Variants in MPRIP observed in about 807,000 individuals in gnomAD.
MPRIP encodes myosin phosphatase Rho-interacting protein.
MPRIP carries 59 observed loss-of-function variants against 234.9 expected under a neutral mutation model. The ratio of observed to expected loss-of-function variants is 0.25; its 90% CI spans 0.20 to 0.31. The LOEUF (loss-of-function observed/expected upper bound fraction) is 0.31, where lower values mean the gene tolerates loss of function less well. MPRIP is among the 10% of genes least tolerant of loss of function. The pLI, the probability that MPRIP is intolerant of heterozygous loss-of-function variation, is 1.00. For synonymous variants in MPRIP, 1,144 were observed against 1,263.9 expected (o/e 0.91, Z 2.01); for missense variants, 2,436 against 3,071.0 (o/e 0.79, Z 4.89).
rs1206235858 is a variant in MPRIP, at chr17:17,110,312, CT to C, written c.268-16385del. Among the ~76,000 whole-genome samples, 6 of 152,188 alleles carry C rather than the reference CT, an allele frequency of 3.9e-5. No homozygotes were observed. In the East Asian group the frequency reaches 7.7e-4, roughly 20 times the overall value. On this transcript the variant is annotated intron_variant, in intron 3 of 23. Coordinates refer to ENST00000651222, the MANE Select transcript of MPRIP (RefSeq NM_001364716.4). Reference sequence around the variant, plus strand: ...CCAGAATTGTGAGCCAAATAACCCTCTTTTTCTTTATAGATGACCCAGCTTC... The same window carrying C: ...CCAGAATTGTGAGCCAAATAACCCTCTTTTCTTTATAGATGACCCAGCTTC...
chr17:17,117,553 T>A (rs956437884), intron 3 of MPRIP, among the ~76,000 whole-genome samples: 5 of 152,394 alleles, frequency 3.3e-5, no homozygotes, highest in Admixed American at 3.3e-4. Flanking sequence ...ATTCTTTTTA[T>A]GGCTGAATAA....
chr17:17,146,184 C>CT, intron 10 of MPRIP, 92 bp downstream of exon 10: 1 of 1,159,344 alleles, frequency 8.6e-7, no homozygotes, highest in South Asian at 1.3e-5. Flanking sequence ...CAAGTGCTGG[C>CT]TCCATGCCTT....
intron 8 of MPRIP, 48 bp downstream of exon 8, chr17:17,142,813 G>C (rs2045358930): frequency 4.4e-6 from 7 of 1,595,086 alleles, no homozygotes; most frequent in Non-Finnish European, 6.0e-6. Context: ...TCGGGGGCGG[G>C]TCAGCATGCA....
chr17:17,144,683 C>G (rs977458428), intron 9 of MPRIP, among the ~76,000 whole-genome samples: 4 of 152,204 alleles, frequency 2.6e-5, no homozygotes, highest in Non-Finnish European at 4.4e-5. Flanking sequence ...TGGTGAAACA[C>G]TGACTCTACT....
rs183380586 is a variant in MPRIP at position 17,101,606 on chromosome 17, A to T, written c.267+23530A>T. 5.3e-3 allele frequency among the ~76,000 whole-genome samples: 799 copies of T among 151,854 alleles called. 3 individuals are homozygous for T. Among genetic ancestry groups the T allele is most frequent in the Middle Eastern group, 0.017 (5 of 294 alleles). Reference sequence around the variant, plus strand: ...TTTTTTAAACAACAACAACAAAAAAAATATATATATAGTTACTTCAAAGAA... The same window carrying T: ...TTTTTTAAACAACAACAACAAAAAATATATATATATAGTTACTTCAAAGAA... On this transcript the variant is annotated intron_variant, in intron 3 of 23. Transcript: ENST00000651222.
At chr17:17,061,059 G>A (rs1397672940) in intron 1 of MPRIP, among the ~76,000 whole-genome samples, 1 of 152,194 alleles carries the variant, frequency 6.6e-6, no homozygotes, top group African/African-American at 2.4e-5. Flanking sequence ...AGAGGTGTGT[G>A]CTGAGAACCC....
chr17:17,122,704 C>T (rs756939456), intron 3 of MPRIP, among the ~76,000 whole-genome samples: 9 of 152,190 alleles, frequency 5.9e-5, no homozygotes, highest in Admixed American at 2.0e-4. Flanking sequence ...ACCTGTCTTC[C>T]AAGAGTGCTG....
chr17:17,045,836 C>T (rs1463445691), intron 1 of MPRIP, among the ~76,000 whole-genome samples: 3 of 147,258 alleles, frequency 2.0e-5, no homozygotes, highest in Admixed American at 6.8e-5. Context: ...GGCGGAGTCT[C>T]GCTCTGTTGC....
chr17:17,147,199 C>T (rs1047088472), intron 10 of MPRIP, 120 bp from the exon 11 acceptor site: 1 of 915,062 alleles, frequency 1.1e-6, no homozygotes, highest in East Asian at 2.5e-5. Flanking sequence ...GCCAGCCTGT[C>T]CCCTGCTTTC....
At position 17,138,031 on chromosome 17, in the gene MPRIP, G is replaced by T. The variant is rs763637087; in HGVS notation, c.852G>T (p.Leu284=). ...ACTTGAAGGCTGAAGAACAGCAGCTGCCCCCGCCGCTCTCCCCTCCCAGCC... is the reference window on the plus strand; with the variant it reads ...ACTTGAAGGCTGAAGAACAGCAGCTTCCCCCGCCGCTCTCCCCTCCCAGCC... ...KQDLKAEEQQ[L]PPPLSPPSPS... is the part of the protein sequence containing the mutation. Residue 284 remains leucine, a synonymous_variant, in exon 7 of 24, where the codon CTG becomes CTT. Coordinates refer to ENST00000651222, the MANE Select transcript of MPRIP (RefSeq NM_001364716.4). The surrounding 1 kb of genome is among the most constrained non-coding windows in gnomAD (Gnocchi z 5.8). 3.8e-6 allele frequency: 6 copies of T among 1,595,630 alleles called. No homozygotes were observed. In the South Asian group the frequency reaches 5.7e-5, roughly 15 times the overall value.
intron 1 of MPRIP, among the ~76,000 whole-genome samples, chr17:17,055,882 C>A (rs577481300): frequency 6.6e-6 from 1 of 152,302 alleles, no homozygotes; most frequent in Admixed American, 6.5e-5. Flanking sequence ...TGCCATGTGC[C>A]AGGCCACTAT....
At chr17:17,151,799 G>A (rs941668157) in intron 12 of MPRIP, among the ~76,000 whole-genome samples, 2 of 152,214 alleles carry the variant, frequency 1.3e-5, no homozygotes, top group Non-Finnish European at 2.9e-5. Flanking sequence ...AAGTTAGTTC[G>A]TCACTCGCAA....
At chr17:17,156,749 T>C (rs1167675223) in intron 13 of MPRIP, among the ~76,000 whole-genome samples, 1 of 152,240 alleles carries the variant, frequency 6.6e-6, no homozygotes, top group Non-Finnish European at 1.5e-5. Context: ...ACACTCTCCA[T>C]GGCCAGGAGC....
At chr17:17,081,380 C>T (rs1291190301) in intron 3 of MPRIP, among the ~76,000 whole-genome samples, 1 of 152,114 alleles carries the variant, frequency 6.6e-6, no homozygotes, top group Admixed American at 6.5e-5. Flanking sequence ...TGCCTTGCTG[C>T]GTAATTTCTG....
chr17:17,147,376 G>C lies in MPRIP; in HGVS notation c.1618G>C (p.Val540Leu). Residue 540 changes from valine (V) to leucine (L), a missense_variant, in exon 11 of 24, where the codon GTG becomes CTG. Transcript: ENST00000651222. ...AAGCCTGAGATACTACAGGGATTCAGTGGCTGAGGAGGTGAGTGTCTGGGC... is the reference window on the plus strand; with the variant it reads ...AAGCCTGAGATACTACAGGGATTCACTGGCTGAGGAGGTGAGTGTCTGGGC... Reference protein sequence around the residue: ...DQSLRYYRDSVAEEAADLDGE... With the variant: ...DQSLRYYRDSLAEEAADLDGE... The C allele has an allele frequency of 2.5e-6, 4 of 1,614,202 alleles. No individual in the cohort carries two copies. The highest frequency in any genetic ancestry group is 3.4e-6 in the Non-Finnish European group (4 of 1,180,028).
chr17:17,137,727 G>A (rs572843252), intron 6 of MPRIP, among the ~76,000 whole-genome samples, 189 bp from the exon 7 acceptor site: 3 of 152,232 alleles, frequency 2.0e-5, no homozygotes, highest in Admixed American at 1.3e-4. Flanking sequence ...AAGCATGCAC[G>A]AAATATTTCA....
intron 3 of MPRIP, among the ~76,000 whole-genome samples, chr17:17,088,638 A>G (rs75229214): frequency 0.045 from 6,803 of 151,796 alleles, 473 homozygotes; most frequent in African/African-American, 0.14. Flanking sequence ...CATCCCTTCC[A>G]CTCTCACCTT....
In MPRIP at chr17:17,167,244, C is replaced by G; in HGVS notation, c.5653C>G (p.Arg1885Gly). The part of the protein sequence containing the change: ...PSCSEQAQAA[R>G]ALREEYEELL... ...CTGCTCAGAGCAGGCACAGGCAGCC[C>G]GGGCCCTGAGGGAGGAGTATGAGGA... is the stretch of plus-strand genomic sequence containing the variant. The change falls in exon 16 of 24, where the codon CGG becomes GGG. Residue 1885 changes from arginine (R) to glycine (G), a missense_variant. Around this residue, in one of 4 missense-constraint regions of MPRIP, gnomAD observed 1,998 missense variants for 2,520.3 expected, o/e 0.79. Coordinates refer to ENST00000651222, the MANE Select transcript of MPRIP (RefSeq NM_001364716.4). The surrounding 1 kb of genome is among the most constrained non-coding windows in gnomAD (Gnocchi z 5.9). The G allele has an allele frequency of 7.7e-7, 1 of 1,303,940 alleles. No homozygotes were observed. Among genetic ancestry groups the G allele is most frequent in the Non-Finnish European group, 1.0e-6 (1 of 988,926 alleles). 80.8% of individuals were successfully genotyped at this position (1,303,940 alleles called of 1,614,324 possible). A position where few individuals can be genotyped will look rare whatever the true frequency, so the allele number is the denominator to read the frequency against.
rs556658808 is a variant in MPRIP, at chr17:17,186,794, C to G, written c.*1900C>G. The stretch of plus-strand genomic sequence containing the variant: ...CTTTGAGAAATGCACTATGACCTTT[C>G]TGTGTCAATGGGAATATACAGAAGG... On this transcript the variant is annotated 3_prime_UTR_variant, in exon 24 of 24. Coordinates refer to ENST00000651222, the MANE Select transcript of MPRIP (RefSeq NM_001364716.4). The G allele has an allele frequency of 2.0e-5, 3 of 152,390 alleles. No homozygotes were observed. In the East Asian group the frequency reaches 5.8e-4, roughly 29 times the overall value. 9.4% of individuals were successfully genotyped at this position (152,390 alleles called of 1,614,324 possible). A position where few individuals can be genotyped will look rare whatever the true frequency, so the allele number is the denominator to read the frequency against.
Sources: gnomAD v4.1 joint callset for allele counts (sites outside exome capture counted in the v4.1 genomes callset) on GRCh38, gnomAD v4.1.1 for gene constraint, gnomAD v4.1.1 regional missense constraint, Gnocchi (gnomAD v3.1) non-coding constraint, MANE v1.5 for transcripts, NCBI Gene and HGNC (gene_info 2026-07-23, HGNC 2026-07-21) for gene names.